Variants in RAD50 observed in about 807,000 individuals in gnomAD.
RAD50 encodes the protein DNA repair protein RAD50.
A neutral mutation model predicts 168.8 loss-of-function variants in RAD50; 132 were observed. The ratio of observed to expected loss-of-function variants is 0.78; its 90% CI spans 0.68 to 0.90. The LOEUF (loss-of-function observed/expected upper bound fraction) is 0.90, where lower values mean the gene tolerates loss of function less well. Among genes scored for constraint, RAD50 ranks in the 40% least tolerant of loss-of-function variants. The pLI, the probability that RAD50 is intolerant of heterozygous loss-of-function variation, is 0.00. For synonymous variants in RAD50, 525 were observed against 497.4 expected, an observed-to-expected ratio of 1.06 and a Z score of -0.74; for missense variants, 1,347 against 1,534.4, an observed-to-expected ratio of 0.88 and a Z score of 2.04.
chr5:132,618,691 C>T (rs1050649897), intron 21 of RAD50, among the ~76,000 whole-genome samples: 10 of 152,220 alleles, frequency 6.6e-5, no homozygotes, highest in Non-Finnish European at 1.2e-4. Context: ...CATTTTTTCT[C>T]TTTAAATATG....
chr5:132,592,465 G>A (rs1049906402), intron 11 of RAD50, among the ~76,000 whole-genome samples: 38 of 152,262 alleles, frequency 2.5e-4, no homozygotes, highest in Non-Finnish European at 2.4e-4. Context: ...CGAAACTCTT[G>A]CAAATGGCCC....
intron 14 of RAD50, among the ~76,000 whole-genome samples, 195 bp from the exon 15 acceptor site, chr5:132,603,725 G>T (rs1261690416): frequency 6.6e-6 from 1 of 152,054 alleles, no homozygotes; most frequent in Non-Finnish European, 1.5e-5. Context: ...TCTTTAGTCA[G>T]CTTCCTTTTG....
At chr5:132,598,468 A>G (rs1044895594) in intron 13 of RAD50, among the ~76,000 whole-genome samples, 3 of 152,178 alleles carry the variant, frequency 2.0e-5, no homozygotes, top group Non-Finnish European at 2.9e-5. Context: ...GTCTGTTCCA[A>G]TTATTTATTG....
chr5:132,581,417 G>T (rs1386664473), intron 5 of RAD50, among the ~76,000 whole-genome samples: 2 of 152,192 alleles, frequency 1.3e-5, no homozygotes, highest in Non-Finnish European at 2.9e-5. Flanking sequence ...ACCGCACCTG[G>T]AAATGTTTGT....
chr5:132,567,915 A>G (rs1258143291), intron 2 of RAD50, among the ~76,000 whole-genome samples: 1 of 152,196 alleles, frequency 6.6e-6, no homozygotes, highest in Non-Finnish European at 1.5e-5. Flanking sequence ...GAAGCTCTCA[A>G]TGTGGCATCT....
chr5:132,605,696 C>G (rs564726340), intron 16 of RAD50, among the ~76,000 whole-genome samples: 1 of 152,108 alleles, frequency 6.6e-6, no homozygotes, highest in Non-Finnish European at 1.5e-5. Context: ...AGCACCTCAT[C>G]GCACTTATTC....
intron 14 of RAD50, 117 bp downstream of exon 14, chr5:132,603,606 C>A: frequency 1.7e-6 from 2 of 1,179,946 alleles, no homozygotes; most frequent in Non-Finnish European, 2.5e-6. Flanking sequence ...TAGAATTCCC[C>A]ATCCTGAATT....
chr5:132,621,912 A>G (rs777774202), intron 21 of RAD50, among the ~76,000 whole-genome samples: 2 of 152,028 alleles, frequency 1.3e-5, no homozygotes, highest in Non-Finnish European at 2.9e-5. Context: ...GATTTTTCAT[A>G]CATTATCTCT....
chr5:132,593,067 G>T lies in RAD50; in HGVS notation c.1793+1033G>T, dbSNP rs190494240. 95 of 316,422 alleles carry T rather than the reference G, an allele frequency of 3.0e-4. 1 individual carries two copies. In the East Asian group the frequency reaches 6.2e-3, roughly 21 times the overall value. The allele number at this position is 316,422 out of a possible 1,614,324, so 19.6% of individuals were successfully genotyped here. A position where few individuals can be genotyped will look rare whatever the true frequency, so the allele number is the denominator to read the frequency against. ...TTTTCCTCACAAATTGATGTGAACA[G>T]TCTGTCACTGTGGGCTTCATCTTTA... On this transcript the variant is annotated intron_variant, in intron 11 of 24. Transcript: ENST00000378823.
chr5:132,616,088 A>G lies in RAD50; in HGVS notation c.3122A>G (p.His1041Arg), dbSNP rs149577978. The change falls in exon 20 of 25, where the codon CAT becomes CGT. Residue 1041 changes from histidine (H) to arginine (R), a missense_variant. Physicochemically the swap from His to Arg is conservative, Grantham distance 29. Transcript: ENST00000378823. ...GAAGTTGAAGAAGAAAGAAAACAAC[A>G]TTTGAAGGAAATGGGTCAAATGCAG... is the stretch of plus-strand genomic sequence containing the variant. ...LKEVEEERKQ[H>R]LKEMGQMQVL... 1.2e-4 allele frequency: 197 copies of G among 1,613,180 alleles called. No homozygotes were observed. In the African/African-American group the frequency reaches 2.1e-3, roughly 17 times the overall value.
chr5:132,559,909 G>A (rs1455392713), intron 2 of RAD50, among the ~76,000 whole-genome samples: 2 of 152,030 alleles, frequency 1.3e-5, no homozygotes, highest in African/African-American at 2.4e-5. Context: ...GAGACCCACT[G>A]TCTAGAAAAA....
In RAD50 at chr5:132,582,087, A is replaced by G. The variant is rs187933370; in HGVS notation, c.756+2021A>G. Among the ~76,000 whole-genome samples, 5 of 152,340 alleles carry G rather than the reference A, an allele frequency of 3.3e-5. No individual in the cohort carries two copies. In the East Asian group the frequency reaches 5.8e-4, roughly 18 times the overall value. ...TTTTTTGATCATAAATGAGTAAGTC[A>G]TTGGAGACATAGAGACAGTAAAATC... is the stretch of plus-strand genomic sequence containing the variant. On this transcript the variant is annotated intron_variant, in intron 5 of 24. Coordinates refer to ENST00000378823, the MANE Select transcript of RAD50 (RefSeq NM_005732.4).
intron 13 of RAD50, among the ~76,000 whole-genome samples, chr5:132,601,033 AAAC>A (rs1212069911): frequency 6.6e-6 from 1 of 150,460 alleles, no homozygotes; most frequent in African/African-American, 2.4e-5. Context: ...AAAAAAAGAA[AAAC>A]AAACCCAGAG....
intron 5 of RAD50, among the ~76,000 whole-genome samples, chr5:132,585,591 CTTTT>C (rs1207946233): frequency 2.6e-5 from 3 of 113,572 alleles, no homozygotes; most frequent in African/African-American, 9.5e-5. Flanking sequence ...TGTGAGAGTT[CTTTT>C]TTTTTTTTTT....
Position 132,608,646 on chromosome 5 carries a change from C to A in RAD50, c.2750C>A (p.Thr917Lys), listed in dbSNP as rs562172843. Residue 917 changes from threonine (T) to lysine (K), a missense_variant, in exon 17 of 25, where the codon ACA (threonine) becomes AAA (lysine). Thr to Lys is a moderately conservative substitution (Grantham distance 78). Around this residue, in one of 3 missense-constraint regions of RAD50, gnomAD observed 635 missense variants for 739.2 expected, o/e 0.86. Coordinates refer to ENST00000378823, the MANE Select transcript of RAD50 (RefSeq NM_005732.4). Reference protein sequence around the residue: ...DAKEQVSPLETTLEKFQQEKE... With the variant: ...DAKEQVSPLEKTLEKFQQEKE... ...AAAGAGCAGGTAAGCCCTTTGGAAACAACATTGGAAAAGTTCCAGCAAGAA... is the reference window on the plus strand; with the variant it reads ...AAAGAGCAGGTAAGCCCTTTGGAAAAAACATTGGAAAAGTTCCAGCAAGAA... 1 of 1,597,554 alleles carries A rather than the reference C, an allele frequency of 6.3e-7. No individual in the cohort carries two copies. The highest frequency in any genetic ancestry group is 8.5e-7 in the Non-Finnish European group (1 of 1,172,252).
intron 21 of RAD50, among the ~76,000 whole-genome samples, chr5:132,618,868 G>A (rs1375891000): frequency 6.6e-6 from 1 of 152,132 alleles, no homozygotes; most frequent in African/African-American, 2.4e-5. Context: ...CATCCACTTA[G>A]ATGCTCCCTT....
chr5:132,622,984 A>G (rs1001130665), intron 21 of RAD50, among the ~76,000 whole-genome samples: 4 of 152,198 alleles, frequency 2.6e-5, no homozygotes, highest in African/African-American at 4.8e-5. Context: ...CCCCAAAACT[A>G]TATAAAGCAT....
chr5:132,588,049 G>C lies in RAD50; in HGVS notation c.1011G>C (p.Arg337Ser), dbSNP rs768156761. Reference protein sequence around the residue: ...RELEKLNKESRLLNQEKSELL... With the variant: ...RELEKLNKESSLLNQEKSELL... ...TGGAAAAACTAAATAAAGAATCTAGGCTTCTCAATCAGGAAAAATCAGAAC... is the reference window on the plus strand; with the variant it reads ...TGGAAAAACTAAATAAAGAATCTAGCCTTCTCAATCAGGAAAAATCAGAAC... Residue 337 changes from arginine (R) to serine (S), a missense_variant, in exon 7 of 25, where the codon AGG (arginine) becomes AGC (serine). By Grantham distance (110) the Arg-to-Ser change is moderately radical. Transcript: ENST00000378823. 1.9e-6 allele frequency: 3 copies of C among 1,612,710 alleles called. No homozygotes were observed. Among genetic ancestry groups the C allele is most frequent in the Non-Finnish European group, 1.7e-6 (2 of 1,179,052 alleles).
chr5:132,640,806 G>GT lies in RAD50; in HGVS notation c.3752+2dup. The GT allele has an allele frequency of 6.2e-7, 1 of 1,613,192 alleles. No homozygotes were observed. The highest frequency in any genetic ancestry group is 8.5e-7 in the Non-Finnish European group (1 of 1,179,472). On this transcript the variant is annotated splice_donor_variant, in intron 24 of 24. Coordinates refer to ENST00000378823, the MANE Select transcript of RAD50 (RefSeq NM_005732.4). LOFTEE classifies it high-confidence loss of function. ...AATCTCTTGCACATGCTCTGGTTGA[G>GT]TAAGTATCTCTTGCACATGCTCTGG... is the stretch of plus-strand genomic sequence containing the variant.
Sources: gnomAD v4.1 joint callset for allele counts (sites outside exome capture counted in the v4.1 genomes callset) on GRCh38, gnomAD v4.1.1 for gene constraint, gnomAD v4.1.1 regional missense constraint, MANE v1.5 for transcripts, NCBI Gene and HGNC (gene_info 2026-07-23, HGNC 2026-07-21) for gene names.